TEAD4: variants seen among roughly 807,000 people sequenced by gnomAD.
TEAD4 encodes the protein transcriptional enhancer factor TEF-3.
TEAD4 carries 36 observed loss-of-function variants against 52.4 expected under a neutral mutation model. The observed-to-expected ratio is 0.69, with a 90% CI of 0.53 to 0.91. The LOEUF (loss-of-function observed/expected upper bound fraction) is 0.91, where lower values mean the gene tolerates loss of function less well. Ranked by LOEUF, TEAD4 falls within the 40% of genes least tolerant of loss-of-function variation. The pLI, the probability that TEAD4 is intolerant of heterozygous loss-of-function variation, is 0.00. For synonymous variants in TEAD4, 220 were observed against 231.0 expected (o/e 0.95, Z 0.43); for missense variants, 508 against 583.9 (o/e 0.87, Z 1.34).
intron 2 of TEAD4, among the ~76,000 whole-genome samples, chr12:2,991,623 T>C (rs768382867): frequency 6.6e-6 from 1 of 152,046 alleles, no homozygotes; most frequent in Non-Finnish European, 1.5e-5. Context: ...GATTGTACCA[T>C]TGCCCACCAG....
At position 2,963,154 on chromosome 12, in the gene TEAD4, C is replaced by T. The variant is rs539694143; in HGVS notation, c.-30+3114C>T. 1.4e-4 allele frequency among the ~76,000 whole-genome samples: 22 copies of T among 152,292 alleles called. No homozygotes were observed. In the South Asian group the frequency reaches 3.1e-3, roughly 21 times the overall value. On this transcript the variant is annotated intron_variant, in intron 2 of 12. Transcript: ENST00000359864. Reference sequence around the variant, plus strand: ...ACACCCTCCTCTCCCCTTGATGAGCCGGCAGGTGAAGGTTCTCCCTATCTT... The same window carrying T: ...ACACCCTCCTCTCCCCTTGATGAGCTGGCAGGTGAAGGTTCTCCCTATCTT...
At chr12:2,973,609 G>A (rs377259911) in intron 2 of TEAD4, among the ~76,000 whole-genome samples, 3 of 152,144 alleles carry the variant, frequency 2.0e-5, no homozygotes, top group African/African-American at 4.8e-5. Context: ...GAGGAGTCAC[G>A]GGGCCTTCCA....
At chr12:2,979,004 C>T (rs1296429851) in intron 2 of TEAD4, among the ~76,000 whole-genome samples, 2 of 152,126 alleles carry the variant, frequency 1.3e-5, no homozygotes, top group African/African-American at 4.8e-5. Context: ...CAACCTCCGC[C>T]TCCCTGGTTC....
intron 2 of TEAD4, among the ~76,000 whole-genome samples, chr12:2,976,220 C>T (rs761214356): frequency 2.0e-5 from 3 of 152,008 alleles, no homozygotes; most frequent in African/African-American, 7.3e-5. Context: ...ACCAAGACGC[C>T]GGGCTGGTCT....
rs112087781 is a variant in TEAD4 at position 2,994,012 on chromosome 12, A to G, written c.-29-726A>G. ...CTTCTACCTTTTGACTCTTGTGAAT[A>G]ATGCTGCCGCGAGCATGAGTGTACA... On this transcript the variant is annotated intron_variant, in intron 2 of 12. Coordinates refer to ENST00000359864, the MANE Select transcript of TEAD4 (RefSeq NM_003213.4). The surrounding 1 kb of genome is among the most constrained non-coding windows in gnomAD (Gnocchi z 4.7). Among the ~76,000 whole-genome samples the G allele has an allele frequency of 6.6e-6, 1 of 152,196 alleles. No individual in the cohort carries two copies. Among genetic ancestry groups the G allele is most frequent in the African/African-American group, 2.4e-5 (1 of 41,444 alleles).
chr12:3,019,180 C>T lies in TEAD4; in HGVS notation c.583+10C>T, dbSNP rs772675711. The T allele has an allele frequency of 2.2e-5, 36 of 1,613,466 alleles. No individual in the cohort carries two copies. Among genetic ancestry groups the T allele is most frequent in the East Asian group, 4.5e-5 (2 of 44,884 alleles). ...CCGCTGCCTCTGCCAGGTGGGTGGG[C>T]GCTGCGTGGCCCCCTTTCTATCGCA... On this transcript the variant is annotated intron_variant, in intron 8 of 12. Coordinates refer to ENST00000359864, the MANE Select transcript of TEAD4 (RefSeq NM_003213.4).
At chr12:2,978,234 A>G (rs545750175) in intron 2 of TEAD4, among the ~76,000 whole-genome samples, 1 of 152,310 alleles carries the variant, frequency 6.6e-6, no homozygotes, top group South Asian at 2.1e-4. Flanking sequence ...TATGTAACAT[A>G]AAATTTGCCA....
chr12:2,977,056 A>G (rs73246967), intron 2 of TEAD4, among the ~76,000 whole-genome samples: 26,870 of 148,596 alleles, frequency 0.18, 3,648 homozygotes, highest in African/African-American at 0.38. Flanking sequence ...AATCACGTGC[A>G]AGGAGCCCCT....
At chr12:2,971,074 T>G (rs981203660) in intron 2 of TEAD4, among the ~76,000 whole-genome samples, 1 of 152,214 alleles carries the variant, frequency 6.6e-6, no homozygotes, top group Non-Finnish European at 1.5e-5. Flanking sequence ...GCACCCACGG[T>G]GTGCCCGGCA....
rs376369071 is a variant in TEAD4 at position 3,012,728 on chromosome 12, A to G, written c.354+496A>G. On this transcript the variant is annotated intron_variant, in intron 5 of 12. Coordinates refer to ENST00000359864, the MANE Select transcript of TEAD4 (RefSeq NM_003213.4). ...GCCCCGTCTTGCAGGGCCTCTGCTG[A>G]TAGGTGATGGCTCTGGGGGGCCTGA... Among the ~76,000 whole-genome samples the G allele has an allele frequency of 1.1e-4, 16 of 151,922 alleles. No individual in the cohort carries two copies. The East Asian group carries it at 2.1e-3, about 20-fold the overall frequency.
At chr12:2,977,533 G>A (rs2098230770) in intron 2 of TEAD4, among the ~76,000 whole-genome samples, 2 of 152,214 alleles carry the variant, frequency 1.3e-5, no homozygotes, top group Admixed American at 1.3e-4. Context: ...GGAAGGTGCT[G>A]CCGTGCATTG....
rs997163939 is a variant in TEAD4 at position 2,994,292 on chromosome 12, T to G, written c.-29-446T>G. ...GGTTTCACCATGTTGGCCAGGCTGG[T>G]CTCGAGTTCCTGACCTCAAGTGATC... On this transcript the variant is annotated intron_variant, in intron 2 of 12. Transcript: ENST00000359864. This position sits in a 1 kb window ranked among gnomAD's most constrained non-coding sequence, Gnocchi z 4.7. Among the ~76,000 whole-genome samples the G allele has an allele frequency of 6.6e-6, 1 of 152,168 alleles. No homozygotes were observed. Among genetic ancestry groups the G allele is most frequent in the Non-Finnish European group, 1.5e-5 (1 of 68,026 alleles).
intron 2 of TEAD4, among the ~76,000 whole-genome samples, chr12:2,970,934 G>C (rs1355656082): frequency 6.6e-6 from 1 of 152,234 alleles, no homozygotes; most frequent in Non-Finnish European, 1.5e-5. Context: ...TTATGCAAGA[G>C]AAGAAGTAAG....
intron 2 of TEAD4, among the ~76,000 whole-genome samples, chr12:2,970,379 A>C (rs2098224103): frequency 6.6e-6 from 1 of 152,252 alleles, no homozygotes; most frequent in African/African-American, 2.4e-5. Context: ...GTGGGATAAT[A>C]AGGTTAATAG....
intron 2 of TEAD4, among the ~76,000 whole-genome samples, chr12:2,990,964 T>A (rs572818419): frequency 1.3e-5 from 2 of 152,278 alleles, no homozygotes; most frequent in Non-Finnish European, 2.9e-5. Flanking sequence ...GAGGGAGAAT[T>A]GCTTGAGGCT....
At chr12:3,009,064 G>C (rs1011789656) in intron 3 of TEAD4, among the ~76,000 whole-genome samples, 5 of 152,216 alleles carry the variant, frequency 3.3e-5, no homozygotes, top group African/African-American at 1.2e-4. Flanking sequence ...CCAGCGTTGA[G>C]GTCTGTTTCC....
chr12:3,021,842 A>G lies in TEAD4; in HGVS notation c.724-2A>G. Reference sequence around the variant, plus strand: ...TCTCCCTCAGACCCACTCTCTCCACAGTACAACAAGCACCTGTTCGTGCAC... The same window carrying G: ...TCTCCCTCAGACCCACTCTCTCCACGGTACAACAAGCACCTGTTCGTGCAC... On this transcript the variant is annotated splice_acceptor_variant, in intron 9 of 12. Transcript: ENST00000359864. LOFTEE classifies it high-confidence loss of function. The G allele has an allele frequency of 1.2e-6, 2 of 1,613,886 alleles. No homozygotes were observed. The highest frequency in any genetic ancestry group is 1.7e-6 in the Non-Finnish European group (2 of 1,179,822).
chr12:2,994,880 C>T lies in TEAD4; in HGVS notation c.114C>T (p.Asp38=), dbSNP rs370797807. Residue 38 remains aspartate, a synonymous_variant, in exon 3 of 13, where the codon GAC becomes GAT. Coordinates refer to ENST00000359864, the MANE Select transcript of TEAD4 (RefSeq NM_003213.4). The surrounding 1 kb of genome is among the most constrained non-coding windows in gnomAD (Gnocchi z 4.7). Reference sequence around the variant, plus strand: ...CACTGGACAAGCCCATCGACAATGACGCAGAGGGCGTGTGGAGCCCGGATA... The same window carrying T: ...CACTGGACAAGCCCATCGACAATGATGCAGAGGGCGTGTGGAGCCCGGATA... 1.2e-5 allele frequency: 20 copies of T among 1,614,034 alleles called. No homozygotes were observed. The highest frequency in any genetic ancestry group is 2.7e-5 in the African/African-American group (2 of 74,926).
Position 2,994,631 on chromosome 12 carries a change from C to A in TEAD4, c.-29-107C>A. The A allele has an allele frequency of 7.2e-7, 1 of 1,394,250 alleles. No individual in the cohort carries two copies. The highest frequency in any genetic ancestry group is 9.4e-7 in the Non-Finnish European group (1 of 1,061,982). The allele number at this position is 1,394,250 out of a possible 1,614,324, so 86.4% of individuals were successfully genotyped here. A position where few individuals can be genotyped will look rare whatever the true frequency, so the allele number is the denominator to read the frequency against. On this transcript the variant is annotated intron_variant, in intron 2 of 12. Coordinates refer to ENST00000359864, the MANE Select transcript of TEAD4 (RefSeq NM_003213.4). The surrounding 1 kb of genome is among the most constrained non-coding windows in gnomAD (Gnocchi z 4.7). Reference sequence around the variant, plus strand: ...CACAGATCTTTCACTTCACGCTTTGCTTCCTGAGCAACTGATTCGGGCTCT... The same window carrying A: ...CACAGATCTTTCACTTCACGCTTTGATTCCTGAGCAACTGATTCGGGCTCT...
Sources: allele counts gnomAD v4.1 joint callset (sites outside exome capture counted in the v4.1 genomes callset), GRCh38; gene constraint gnomAD v4.1.1; non-coding constraint Gnocchi (gnomAD v3.1); transcripts MANE v1.5; gene names NCBI Gene and HGNC (gene_info 2026-07-23, HGNC 2026-07-21).